The following ZBTB46 variants were observed in gnomAD, a reference collection of about 807,000 sequenced individuals.
ZBTB46 encodes the protein zinc finger and BTB domain containing 46.
Under a neutral mutation model 44.1 loss-of-function variants are expected in ZBTB46, and 8 were observed. That is an observed-to-expected ratio of 0.18 (90% CI 0.11 to 0.33). The LOEUF (loss-of-function observed/expected upper bound fraction) is 0.33. Among genes scored for constraint, ZBTB46 ranks in the 10% least tolerant of loss-of-function variants. ZBTB46 has a pLI of 1.00. For synonymous variants in ZBTB46, 409 were observed against 382.3 expected (o/e 1.07, Z -0.81); for missense variants, 651 against 847.7 (o/e 0.77, Z 2.88).
chr20:63,761,678 A>T (rs569220657), intron 3 of ZBTB46, among the ~76,000 whole-genome samples: 1 of 151,418 alleles, frequency 6.6e-6, no homozygotes, highest in East Asian at 1.9e-4. Context: ...GCTACTCGGG[A>T]GGCTGCAGCA....
chr20:63,826,602 G>A (rs2092820715), intron 1 of ZBTB46, among the ~76,000 whole-genome samples: 1 of 151,384 alleles, frequency 6.6e-6, no homozygotes, highest in Non-Finnish European at 1.5e-5. Context: ...GCAGACGCCT[G>A]TAGTCCCAGC....
rs370669704 is a variant in ZBTB46 at position 63,747,245 on chromosome 20, G to C, written c.1455C>G (p.Ser485=). Reference sequence around the variant, plus strand: ...CATGCCTGATGCCCACGCTGGCGGCGGACATGAAGACGCGGCTGCACACCT... The same window carrying C: ...CATGCCTGATGCCCACGCTGGCGGCCGACATGAAGACGCGGCTGCACACCT... The part of the protein sequence containing the change: ...VCKVCSRVFM[S]AASVGIRHGS... The change falls in exon 5 of 5, where the codon TCC becomes TCG. Residue 485 remains serine (S), a synonymous_variant. Coordinates refer to ENST00000245663, the MANE Select transcript of ZBTB46 (RefSeq NM_001369741.1). 3 of 1,576,714 alleles carry C rather than the reference G, an allele frequency of 1.9e-6. No individual in the cohort carries two copies. Among genetic ancestry groups the C allele is most frequent in the Non-Finnish European group, 2.6e-6 (3 of 1,163,192 alleles).
At chr20:63,812,080 T>C (rs1255535107) in intron 1 of ZBTB46, among the ~76,000 whole-genome samples, 1 of 152,188 alleles carries the variant, frequency 6.6e-6, no homozygotes, top group Non-Finnish European at 1.5e-5. Flanking sequence ...CTCTCACTAA[T>C]AGGAAAACTC....
At chr20:63,823,969 G>C (rs1337412223) in intron 1 of ZBTB46, among the ~76,000 whole-genome samples, 5 of 151,760 alleles carry the variant, frequency 3.3e-5, no homozygotes, top group Non-Finnish European at 7.4e-5. Context: ...TAACGTAAAC[G>C]ACCAGATTAC....
chr20:63,820,343 C>T (rs1002180975), intron 1 of ZBTB46, among the ~76,000 whole-genome samples: 1 of 152,134 alleles, frequency 6.6e-6, no homozygotes, highest in Non-Finnish European at 1.5e-5. Flanking sequence ...TCATGATCCG[C>T]CTGCCTCGGC....
Position 63,775,971 on chromosome 20 carries a change from A to G in ZBTB46, c.938-9T>C. ...GACGGACAGGTCCGCATCTGGGGAC[A>G]GAGGGACACACGTCAGAAGACACGG... On this transcript the variant is annotated splice_polypyrimidine_tract_variant and intron_variant, in intron 2 of 4. Coordinates refer to ENST00000245663, the MANE Select transcript of ZBTB46 (RefSeq NM_001369741.1). 1 of 1,540,706 alleles carries G rather than the reference A, an allele frequency of 6.5e-7. No homozygotes were observed.
chr20:63,751,479 G>A (rs2092161564), intron 4 of ZBTB46, among the ~76,000 whole-genome samples: 1 of 152,162 alleles, frequency 6.6e-6, no homozygotes, highest in African/African-American at 2.4e-5. Context: ...AACACGGGGA[G>A]GCCAGGGCCC....
rs1331011345 is a variant in ZBTB46 at position 63,803,420 on chromosome 20, C to T, written c.-33-12630G>A. ...AAGACATGTTAGCAGAGTCGTCTTT[C>T]GACAGCGAGACCGGTGGTACTATCC... On this transcript the variant is annotated intron_variant, in intron 1 of 4. Coordinates refer to ENST00000245663, the MANE Select transcript of ZBTB46 (RefSeq NM_001369741.1). The surrounding 1 kb of genome is among the most constrained non-coding windows in gnomAD (Gnocchi z 4.0). The T allele has an allele frequency of 6.1e-6, 6 of 985,324 alleles. No homozygotes were observed. Among genetic ancestry groups the T allele is most frequent in the East Asian group, 1.1e-4 (1 of 8,824 alleles). 61.0% of individuals were successfully genotyped at this position (985,324 alleles called of 1,614,324 possible).
chr20:63,775,682 C>A lies in ZBTB46; in HGVS notation c.1218G>T (p.Leu406=). 6.4e-7 allele frequency: 1 copy of A among 1,567,798 alleles called. No individual in the cohort carries two copies. ...GCCCCCAGGGCCTGCACTTACGGGA[C>A]AGCGAGTGGGCCCCTCTGGGCAGGT... ...FEYLPRGAHS[L]SLNEFTVIRK... Residue 406 remains leucine (L), a synonymous_variant, in exon 3 of 5, where the codon CTG becomes CTT. Transcript: ENST00000245663.
intron 1 of ZBTB46, among the ~76,000 whole-genome samples, chr20:63,815,524 G>A (rs2092745489): frequency 7.1e-6 from 1 of 139,864 alleles, no homozygotes; most frequent in South Asian, 2.3e-4. Flanking sequence ...GCAGGTGCAG[G>A]TGGGCACAGG....
chr20:63,756,900 C>T (rs1312376044), intron 3 of ZBTB46, among the ~76,000 whole-genome samples: 1 of 152,224 alleles, frequency 6.6e-6, no homozygotes, highest in South Asian at 2.1e-4. Context: ...CCTGTAGATA[C>T]CAGTTTGGGC....
At chr20:63,826,801 C>T (rs1044919477) in intron 1 of ZBTB46, among the ~76,000 whole-genome samples, 1 of 152,198 alleles carries the variant, frequency 6.6e-6, no homozygotes, top group Non-Finnish European at 1.5e-5. Context: ...GTGTGCTGAA[C>T]CAAGTCTTCA....
chr20:63,823,081 T>C (rs959617833), intron 1 of ZBTB46, among the ~76,000 whole-genome samples: 1 of 141,270 alleles, frequency 7.1e-6, no homozygotes, highest in African/African-American at 2.7e-5. Context: ...AGCAGGAGAA[T>C]CACTTGAAAC....
At position 63,744,505 on chromosome 20, in the gene ZBTB46, A is replaced by AAT. The variant is rs1483524044; in HGVS notation, c.*2423_*2424dup. On this transcript the variant is annotated 3_prime_UTR_variant, in exon 5 of 5. Transcript: ENST00000245663. ...ACACAAACAAAAATACAAAATGTGA[A>AAT]ATGTAATCTACACATTTTTCCTCTT... 1 of 152,308 alleles carries AAT rather than the reference A, an allele frequency of 6.6e-6. No individual in the cohort carries two copies. 9.4% of individuals were successfully genotyped at this position (152,308 alleles called of 1,614,324 possible).
chr20:63,769,159 C>G (rs369240321), intron 3 of ZBTB46: 1 of 983,692 alleles, frequency 1.0e-6, no homozygotes, highest in African/African-American at 1.7e-5. Flanking sequence ...TCATCTGGGC[C>G]GTGGCCACGC....
chr20:63,793,874 A>G (rs539553188), intron 1 of ZBTB46, among the ~76,000 whole-genome samples: 1 of 152,228 alleles, frequency 6.6e-6, no homozygotes, highest in African/African-American at 2.4e-5. Context: ...AAATAAATAA[A>G]ATTTTCATTT....
At position 63,747,022 on chromosome 20, in the gene ZBTB46, C is replaced by T; in HGVS notation, c.1678G>A (p.Ala560Thr). 1 of 1,608,310 alleles carries T rather than the reference C, an allele frequency of 6.2e-7. No homozygotes were observed. Among genetic ancestry groups the T allele is most frequent in the Non-Finnish European group, 8.5e-7 (1 of 1,179,606 alleles). Residue 560 changes from alanine to threonine, a missense_variant, in exon 5 of 5, where the codon GCG (alanine) becomes ACG (threonine). Physicochemically the swap from Ala to Thr is moderately conservative, Grantham distance 58. Coordinates refer to ENST00000245663, the MANE Select transcript of ZBTB46 (RefSeq NM_001369741.1). Reference protein sequence around the residue: ...EDDEGLAPEDALLADDKDEED... With the variant: ...EDDEGLAPEDTLLADDKDEED... ...TCATCCTTGTCGTCCGCCAACAGCG[C>T]ATCCTCAGGGGCCAGGCCCTCGTCG...
intron 1 of ZBTB46, among the ~76,000 whole-genome samples, chr20:63,796,751 C>A (rs6011121): frequency 6.6e-6 from 1 of 151,762 alleles, no homozygotes; most frequent in African/African-American, 2.4e-5. Flanking sequence ...CTTGAACCTG[C>A]GAGGCGGAGG....
At chr20:63,814,603 T>A (rs2092737532) in intron 1 of ZBTB46, among the ~76,000 whole-genome samples, 1 of 151,450 alleles carries the variant, frequency 6.6e-6, no homozygotes, top group Non-Finnish European at 1.5e-5. Flanking sequence ...CAGGCAAGGG[T>A]CCTCATTTGG....
Sources: allele counts gnomAD v4.1 joint callset (sites outside exome capture counted in the v4.1 genomes callset), GRCh38; gene constraint gnomAD v4.1.1; non-coding constraint Gnocchi (gnomAD v3.1); transcripts MANE v1.5; gene names NCBI Gene and HGNC (gene_info 2026-07-23, HGNC 2026-07-21).